The following IGFN1 variants were observed in gnomAD, a reference collection of about 807,000 sequenced individuals.
The protein encoded by IGFN1 is immunoglobulin-like and fibronectin type III domain-containing protein 1.
IGFN1 carries 253 observed loss-of-function variants against 289.5 expected under a neutral mutation model. That is an observed-to-expected ratio of 0.87 (90% CI 0.79 to 0.97). IGFN1 has a LOEUF of 0.97. Ranked by LOEUF, IGFN1 falls within the 50% of genes least tolerant of loss-of-function variation. The pLI is 0.00. For missense variants in IGFN1, 4,470 were observed against 4,686.1 expected, an observed-to-expected ratio of 0.95 and a Z score of 1.35; for synonymous variants, 1,706 against 1,788.5, an observed-to-expected ratio of 0.95 and a Z score of 1.16.
At chr1:201,226,840 TCG>T (rs1291694243) in intron 22 of IGFN1, 40 bp from the exon 23 acceptor site, 1 of 1,483,666 alleles carries the variant, frequency 6.7e-7, no homozygotes, top group East Asian at 2.3e-5. Flanking sequence ...CAGGCCTTCC[TCG>T]CTTTCTCACC....
At chr1:201,223,558 A>G (rs956355597) in intron 20 of IGFN1, among the ~76,000 whole-genome samples, 1 of 152,008 alleles carries the variant, frequency 6.6e-6, no homozygotes, top group Non-Finnish European at 1.5e-5. Context: ...TTTAGTAGAG[A>G]TGGGGTTTCG....
intron 14 of IGFN1, 93 bp from the exon 15 acceptor site, chr1:201,215,446 C>G: frequency 2.5e-6 from 3 of 1,183,580 alleles, no homozygotes; most frequent in Non-Finnish European, 3.6e-6. Flanking sequence ...ATTCCTTACT[C>G]TTCCCCCAAA....
intron 13 of IGFN1, 64 bp downstream of exon 13, chr1:201,214,365 C>T (rs772256221): frequency 2.1e-5 from 31 of 1,505,968 alleles, no homozygotes; most frequent in Admixed American, 5.7e-5. Context: ...CAGAGAGGGG[C>T]AAGAGCGTAG....
At chr1:201,222,664 A>T in intron 19 of IGFN1, 75 bp from the exon 20 acceptor site, 1 of 1,007,672 alleles carries the variant, frequency 9.9e-7, no homozygotes, top group South Asian at 1.4e-5. Flanking sequence ...CTCCAGCCCT[A>T]CCTTGCTGGG....
At chr1:201,191,232 C>T (rs188671382) in intron 1 of IGFN1, among the ~76,000 whole-genome samples, 9 of 152,244 alleles carry the variant, frequency 5.9e-5, no homozygotes, top group Admixed American at 3.9e-4. Flanking sequence ...GAATAAGGAC[C>T]TCGGGCTGGG....
Position 201,216,449 on chromosome 1 carries a change from C to G in IGFN1, c.9296-5C>G. On this transcript the variant is annotated splice_region_variant and splice_polypyrimidine_tract_variant and intron_variant, in intron 15 of 23. Coordinates refer to ENST00000335211, the MANE Select transcript of IGFN1 (RefSeq NM_001164586.2). ...CTCTTCCCGCTCCTCTCTGTGGGTC[C>G]CCAGACAAGCCTGATCCCCCACAAG... 6.5e-7 allele frequency: 1 copy of G among 1,545,160 alleles called. No homozygotes were observed. Among genetic ancestry groups the G allele is most frequent in the Non-Finnish European group, 8.7e-7 (1 of 1,149,352 alleles).
In IGFN1 at chr1:201,206,368, T is replaced by C; in HGVS notation, c.1475T>C (p.Phe492Ser). Reference sequence around the variant, plus strand: ...GGCCCTGGACAGGAGGGCGAGGGCTTTCCAGTAGCAGAGGGAAGCAGAGCC... The same window carrying C: ...GGCCCTGGACAGGAGGGCGAGGGCTCTCCAGTAGCAGAGGGAAGCAGAGCC... ...AWGPGQEGEG[F>S]PVAEGSRATL... is the part of the protein sequence containing the mutation. Residue 492 changes from phenylalanine (F) to serine (S), a missense_variant, in exon 12 of 24, where the codon TTT becomes TCT. Transcript: ENST00000335211. The C allele has an allele frequency of 6.4e-7, 1 of 1,550,466 alleles. No homozygotes were observed. Among genetic ancestry groups the C allele is most frequent in the Non-Finnish European group, 8.7e-7 (1 of 1,146,968 alleles).
chr1:201,207,912 G>A lies in IGFN1; in HGVS notation c.3019G>A (p.Gly1007Ser), dbSNP rs1011513487. Reference sequence around the variant, plus strand: ...TGCGGGAGTGGAGTCTGAGGAAGGGGGTGGGTACAGGCATGGCTCCGGAGC... The same window carrying A: ...TGCGGGAGTGGAGTCTGAGGAAGGGAGTGGGTACAGGCATGGCTCCGGAGC... ...APAGVESEEG[G>S]GYRHGSGAPG... The change falls in exon 12 of 24, where the codon GGT (glycine) becomes AGT (serine). Residue 1007 changes from glycine (G) to serine (S), a missense_variant. Transcript: ENST00000335211. 3 of 1,536,730 alleles carry A rather than the reference G, an allele frequency of 2.0e-6. No homozygotes were observed. The African/African-American group carries it at 4.1e-5, about 21-fold the overall frequency.
At position 201,212,049 on chromosome 1, in the gene IGFN1, A is replaced by G; in HGVS notation, c.7156A>G (p.Met2386Val). The G allele has an allele frequency of 6.5e-7, 1 of 1,536,380 alleles. No individual in the cohort carries two copies. Among genetic ancestry groups the G allele is most frequent in the Non-Finnish European group, 8.7e-7 (1 of 1,146,756 alleles). ...HEAGPRGHKA[M>V]GHRSGYWVAS... ...GGCTGGACCCAGAGGCCATAAAGCC[A>G]TGGGTCACAGGTCAGGATATTGGGT... is the stretch of plus-strand genomic sequence containing the variant. Residue 2386 changes from methionine (M) to valine (V), a missense_variant, in exon 12 of 24, where the codon ATG (methionine) becomes GTG (valine). Met to Val is a conservative substitution (Grantham distance 21). Coordinates refer to ENST00000335211, the MANE Select transcript of IGFN1 (RefSeq NM_001164586.2).
Position 201,206,952 on chromosome 1 carries a change from A to G in IGFN1, c.2059A>G (p.Lys687Glu), listed in dbSNP as rs1279940187. The G allele has an allele frequency of 6.5e-7, 1 of 1,536,300 alleles. No individual in the cohort carries two copies. Reference protein sequence around the residue: ...ELTGGRGSGSKVGMAPESWGS... With the variant: ...ELTGGRGSGSEVGMAPESWGS... ...TACTGGAGGAAGAGGTTCTGGCTCC[A>G]AGGTGGGCATGGCCCCTGAATCCTG... Residue 687 changes from lysine (K) to glutamate (E), a missense_variant, in exon 12 of 24, where the codon AAG (lysine) becomes GAG (glutamate). Around this residue, in one of 8 missense-constraint regions of IGFN1, gnomAD observed 2,011 missense variants for 1,953.4 expected, o/e 1.03. Transcript: ENST00000335211.
intron 19 of IGFN1, 66 bp from the exon 20 acceptor site, chr1:201,222,673 G>A (rs916235770): frequency 2.6e-6 from 3 of 1,134,910 alleles, no homozygotes; most frequent in Middle Eastern, 2.1e-4. Flanking sequence ...TACCTTGCTG[G>A]GGACCTGGGG....
In IGFN1 at chr1:201,211,535, T is replaced by C. The variant is rs777324235; in HGVS notation, c.6642T>C (p.Tyr2214=). The C allele has an allele frequency of 6.6e-7, 1 of 1,521,798 alleles. No individual in the cohort carries two copies. Among genetic ancestry groups the C allele is most frequent in the South Asian group, 1.2e-5 (1 of 82,458 alleles). The allele number at this position is 1,521,798 out of a possible 1,614,324, so 94.3% of individuals were successfully genotyped here. A position where few individuals can be genotyped will look rare whatever the true frequency, so the allele number is the denominator to read the frequency against. Residue 2214 remains tyrosine (Y), a synonymous_variant, in exon 12 of 24, where the codon TAT becomes TAC. Transcript: ENST00000335211. ...EEMGSVNKAG[Y]RKDLGAPKGM... ...TGGGGTCAGTGAATAAGGCAGGTTA[T>C]AGGAAGGATTTGGGGGCTCCTAAGG...
Position 201,206,642 on chromosome 1 carries a change from C to G in IGFN1, c.1749C>G (p.Asp583Glu), listed in dbSNP as rs1416482873. ...GGGAAGGAAAGGAGCACAGAGGGGA[C>G]AGTGGAAGACAACTGGACAGGCATG... Reference protein sequence around the residue: ...SSREGKEHRGDSGRQLDRHAP... With the variant: ...SSREGKEHRGESGRQLDRHAP... Residue 583 changes from aspartate to glutamate, a missense_variant, in exon 12 of 24, where the codon GAC (aspartate) becomes GAG (glutamate). Physicochemically the swap from Asp to Glu is conservative, Grantham distance 45 (BLOSUM62 2). Around this residue, in one of 8 missense-constraint regions of IGFN1, gnomAD observed 2,011 missense variants for 1,953.4 expected, o/e 1.03. Coordinates refer to ENST00000335211, the MANE Select transcript of IGFN1 (RefSeq NM_001164586.2). 1.3e-6 allele frequency: 2 copies of G among 1,538,874 alleles called. No individual in the cohort carries two copies. The highest frequency in any genetic ancestry group is 4.9e-5 in the East Asian group (2 of 40,910).
At chr1:201,225,764 G>A in intron 21 of IGFN1, 60 bp from the exon 22 acceptor site, 2 of 1,469,066 alleles carry the variant, frequency 1.4e-6, no homozygotes, top group East Asian at 2.4e-5. Flanking sequence ...CCTGGAGGGG[G>A]CTGGTAGCAG....
rs1667812944 is a variant in IGFN1, at chr1:201,211,695, T to G, written c.6802T>G (p.Tyr2268Asp). The G allele has an allele frequency of 6.5e-7, 1 of 1,536,890 alleles. No individual in the cohort carries two copies. Among genetic ancestry groups the G allele is most frequent in the Non-Finnish European group, 8.7e-7 (1 of 1,146,824 alleles). ...AATGGGTTCAGGCAGTTACACAGAT[T>G]ACAGGAATGGTTTAGGCAGTTCTGG... ...EEMGSGSYTD[Y>D]RNGLGSSGKI... Residue 2268 changes from tyrosine (Y) to aspartate (D), a missense_variant, in exon 12 of 24, where the codon TAC becomes GAC. By Grantham distance (160) the Tyr-to-Asp change is radical. Coordinates refer to ENST00000335211, the MANE Select transcript of IGFN1 (RefSeq NM_001164586.2).
chr1:201,202,132 A>G (rs1667192517), intron 9 of IGFN1, among the ~76,000 whole-genome samples: 1 of 151,992 alleles, frequency 6.6e-6, no homozygotes, highest in African/African-American at 2.4e-5. Context: ...GAGAAAGTGC[A>G]CCCCTTTCCA....
chr1:201,194,739 G>A (rs891220532), intron 3 of IGFN1, among the ~76,000 whole-genome samples: 2 of 152,222 alleles, frequency 1.3e-5, no homozygotes, highest in African/African-American at 2.4e-5. Context: ...ATAAGAAGGT[G>A]TCCAAGAAAG....
In IGFN1 at chr1:201,209,025, A is replaced by G. The variant is rs1331037848; in HGVS notation, c.4132A>G (p.Asn1378Asp). The G allele has an allele frequency of 6.5e-7, 1 of 1,536,144 alleles. No individual in the cohort carries two copies. Among genetic ancestry groups the G allele is most frequent in the East Asian group, 2.4e-5 (1 of 40,828 alleles). The change falls in exon 12 of 24, where the codon AAT becomes GAT. Residue 1378 changes from asparagine (N) to aspartate (D), a missense_variant. Transcript: ENST00000335211. ...AATCGGGTCAATGGATGAAACAGAT[A>G]ATAGGAAAGATTTGGGGGTTCCTGA... ...REIGSMDETDNRKDLGVPEGM... is the reference protein window; with the variant it reads ...REIGSMDETDDRKDLGVPEGM...
Position 201,206,496 on chromosome 1 carries a change from C to A in IGFN1, c.1603C>A (p.Leu535Ile). Reference protein sequence around the residue: ...QGESSESGLGLPEKQQQDRGR... With the variant: ...QGESSESGLGIPEKQQQDRGR... ...AGAGAGCTCAGAATCAGGGTTGGGCCTCCCAGAAAAACAACAGCAAGATCG... is the reference window on the plus strand; with the variant it reads ...AGAGAGCTCAGAATCAGGGTTGGGCATCCCAGAAAAACAACAGCAAGATCG... The change falls in exon 12 of 24, where the codon CTC becomes ATC. Residue 535 changes from leucine (L) to isoleucine (I), a missense_variant. By Grantham distance (5) the Leu-to-Ile change is conservative. Transcript: ENST00000335211. 6.4e-7 allele frequency: 1 copy of A among 1,551,316 alleles called. No homozygotes were observed. Among genetic ancestry groups the A allele is most frequent in the Non-Finnish European group, 8.7e-7 (1 of 1,146,974 alleles).
Sources: allele counts gnomAD v4.1 joint callset (sites outside exome capture counted in the v4.1 genomes callset), GRCh38; gene constraint gnomAD v4.1.1; regional missense constraint gnomAD v4.1.1; transcripts MANE v1.5; gene names NCBI Gene and HGNC (gene_info 2026-07-23, HGNC 2026-07-21).